CPED1: variants seen among roughly 807,000 people sequenced by gnomAD.
CPED1 encodes the protein cadherin-like and PC-esterase domain-containing protein 1.
Under a neutral mutation model 128.2 loss-of-function variants are expected in CPED1, and 114 were observed. The ratio of observed to expected loss-of-function variants is 0.89; its 90% CI spans 0.76 to 1.04. The LOEUF (loss-of-function observed/expected upper bound fraction) is 1.04. Ranked by LOEUF, CPED1 falls within the 50% of genes least tolerant of loss-of-function variation. CPED1 has a pLI of 0.00. For missense variants in CPED1, 1,211 were observed against 1,207.1 expected (o/e 1.00, Z -0.05); for synonymous variants, 462 against 426.7 (o/e 1.08, Z -1.02).
chr7:121,113,731 A>G lies in CPED1; in HGVS notation c.919-10600A>G, dbSNP rs376889236. Among the ~76,000 whole-genome samples the G allele has an allele frequency of 3.9e-5, 6 of 152,310 alleles. No individual in the cohort carries two copies. The East Asian group carries it at 9.6e-4, about 24-fold the overall frequency. On this transcript the variant is annotated intron_variant, in intron 7 of 22. Transcript: ENST00000310396. ...ACCAGATGAAGATATACTGGAGACG[A>G]AACCTGAAGAGCTTGAATTTCATGG... is the stretch of plus-strand genomic sequence containing the variant.
intron 7 of CPED1, among the ~76,000 whole-genome samples, chr7:121,121,043 A>G (rs1488155052): frequency 6.6e-6 from 1 of 151,916 alleles, no homozygotes; most frequent in African/African-American, 2.4e-5. Flanking sequence ...CAAGTTTAAC[A>G]CAGAACAAAT....
At chr7:121,085,673 G>A (rs1563019944) in intron 5 of CPED1, among the ~76,000 whole-genome samples, 3 of 152,114 alleles carry the variant, frequency 2.0e-5, no homozygotes, top group Non-Finnish European at 1.5e-5. Flanking sequence ...AGTTCTGCCA[G>A]TCAAGGCCAG....
intron 11 of CPED1, among the ~76,000 whole-genome samples, chr7:121,129,081 G>A (rs1373302924): frequency 6.6e-6 from 1 of 151,374 alleles, no homozygotes; most frequent in Non-Finnish European, 1.5e-5. Context: ...TTTATTGAGT[G>A]TGAAATGCAT....
intron 17 of CPED1, among the ~76,000 whole-genome samples, chr7:121,237,754 A>G (rs1231812580): frequency 1.3e-5 from 2 of 152,150 alleles, no homozygotes; most frequent in African/African-American, 4.8e-5. Flanking sequence ...CTTGCCATGA[A>G]CTTCACACCA....
At chr7:121,015,939 T>G in intron 3 of CPED1, 91 bp downstream of exon 3, 1 of 972,186 alleles carries the variant, frequency 1.0e-6, no homozygotes, top group Non-Finnish European at 1.4e-6. Context: ...CTAAAAAAAT[T>G]TATAAAAACA....
chr7:121,223,041 A>G (rs1797919117), intron 16 of CPED1, among the ~76,000 whole-genome samples: 1 of 152,156 alleles, frequency 6.6e-6, no homozygotes, highest in Non-Finnish European at 1.5e-5. Flanking sequence ...GCCAGTTTTC[A>G]AAGGGAATGC....
At chr7:121,071,372 G>A (rs1194298144) in intron 5 of CPED1, among the ~76,000 whole-genome samples, 4 of 151,912 alleles carry the variant, frequency 2.6e-5, no homozygotes, top group Non-Finnish European at 4.4e-5. Context: ...TTAGCCCTTG[G>A]TAACTTTAGC....
intron 5 of CPED1, among the ~76,000 whole-genome samples, chr7:121,074,311 C>T (rs915691644): frequency 6.6e-6 from 1 of 152,080 alleles, no homozygotes; most frequent in Non-Finnish European, 1.5e-5. Context: ...GGGCTCTTGT[C>T]CAGGCCTTGT....
At chr7:121,060,547 C>T (rs1035622632) in intron 4 of CPED1, among the ~76,000 whole-genome samples, 7 of 152,252 alleles carry the variant, frequency 4.6e-5, no homozygotes, top group Admixed American at 3.3e-4. Context: ...CACCAGTCCA[C>T]TCTGTATCTA....
chr7:121,142,116 C>A lies in CPED1; in HGVS notation c.2030C>A (p.Ala677Asp). The change falls in exon 16 of 23, where the codon GCC becomes GAC. Residue 677 changes from alanine (A) to aspartate (D), a missense_variant. By Grantham distance (126) the Ala-to-Asp change is moderately radical (BLOSUM62 -2). Transcript: ENST00000310396. The stretch of plus-strand genomic sequence containing the variant: ...CGCCCAAGTCTGCCCTTGTTTGAGG[C>A]CTTCACAGCATGTGGTTTTGTGCAG... The part of the protein sequence containing the change: ...EDRPSLPLFE[A>D]FTACGFVQDC... 1.2e-6 allele frequency: 2 copies of A among 1,611,390 alleles called. No homozygotes were observed. Among genetic ancestry groups the A allele is most frequent in the Non-Finnish European group, 1.7e-6 (2 of 1,178,154 alleles).
Position 121,108,149 on chromosome 7 carries a change from T to A in CPED1, c.918+8055T>A, listed in dbSNP as rs903449399. On this transcript the variant is annotated intron_variant, in intron 7 of 22. Transcript: ENST00000310396. ...GCTATTGTACAAATAGTCTGAGCTGTCCAATGGCAAGAGGAAAAAAGGCAA... is the reference window on the plus strand; with the variant it reads ...GCTATTGTACAAATAGTCTGAGCTGACCAATGGCAAGAGGAAAAAAGGCAA... Among the ~76,000 whole-genome samples, 8 of 152,152 alleles carry A rather than the reference T, an allele frequency of 5.3e-5. No individual in the cohort carries two copies. In the East Asian group the frequency reaches 1.5e-3, roughly 29 times the overall value.
chr7:121,280,123 C>G (rs1363274064), intron 22 of CPED1, among the ~76,000 whole-genome samples: 1 of 152,130 alleles, frequency 6.6e-6, no homozygotes, highest in Non-Finnish European at 1.5e-5. Flanking sequence ...TAGATAGAAA[C>G]AAATACCTGT....
chr7:121,205,899 T>C (rs560095649), intron 16 of CPED1, among the ~76,000 whole-genome samples: 2 of 152,074 alleles, frequency 1.3e-5, no homozygotes, highest in African/African-American at 4.8e-5. Flanking sequence ...AACAGGATGA[T>C]AAAAGCTGAT....
chr7:121,194,264 T>A (rs1797220532), intron 16 of CPED1, among the ~76,000 whole-genome samples: 1 of 151,816 alleles, frequency 6.6e-6, no homozygotes, highest in Non-Finnish European at 1.5e-5. Context: ...TTGGCCAGGC[T>A]GGTCTTGAAC....
At chr7:121,097,640 AAGC>A in intron 5 of CPED1, 56 bp from the exon 6 acceptor site, 1 of 1,594,966 alleles carries the variant, frequency 6.3e-7, no homozygotes, top group Admixed American at 1.7e-5. Context: ...TCTATTTTCA[AAGC>A]AGTTCCAGAA....
intron 11 of CPED1, among the ~76,000 whole-genome samples, chr7:121,129,412 T>C (rs1795608412): frequency 6.7e-6 from 1 of 149,502 alleles, no homozygotes; most frequent in African/African-American, 2.4e-5. Context: ...GAGTGTTTGA[T>C]ACTCCTTTTT....
At chr7:121,019,422 G>T (rs1792382238) in intron 3 of CPED1, among the ~76,000 whole-genome samples, 1 of 152,036 alleles carries the variant, frequency 6.6e-6, no homozygotes, top group African/African-American at 2.4e-5. Flanking sequence ...TTTATCTCAT[G>T]CAGTAGCCAG....
In CPED1 at chr7:121,296,360, G is replaced by T. The variant is rs900191260; in HGVS notation, c.*708G>T. 2 of 152,062 alleles carry T rather than the reference G, an allele frequency of 1.3e-5. No homozygotes were observed. The highest frequency in any genetic ancestry group is 3.8e-4 in the East Asian group (2 of 5,198). 9.4% of individuals were successfully genotyped at this position (152,062 alleles called of 1,614,324 possible). On this transcript the variant is annotated 3_prime_UTR_variant, in exon 23 of 23. Transcript: ENST00000310396. Reference sequence around the variant, plus strand: ...TTGTCTTATCTGTGTACTTCGATGGGTAACTGCAGTCTGAATTAATGAAAT... The same window carrying T: ...TTGTCTTATCTGTGTACTTCGATGGTTAACTGCAGTCTGAATTAATGAAAT...
chr7:121,049,623 G>A (rs1793298323), intron 4 of CPED1, among the ~76,000 whole-genome samples: 1 of 152,258 alleles, frequency 6.6e-6, no homozygotes, highest in African/African-American at 2.4e-5. Flanking sequence ...TTTTTTGTGA[G>A]TGGCTTTTGC....
Sources: allele counts gnomAD v4.1 joint callset (sites outside exome capture counted in the v4.1 genomes callset), GRCh38; gene constraint gnomAD v4.1.1; transcripts MANE v1.5; gene names NCBI Gene and HGNC (gene_info 2026-07-23, HGNC 2026-07-21).